PRSS23: variants seen among roughly 807,000 people sequenced by gnomAD.
PRSS23 encodes the protein protease, serine 23.
In PRSS23, 25 loss-of-function variants were observed where a neutral mutation model predicts 34.7. That is an observed-to-expected ratio of 0.72 (90% confidence interval 0.53 to 1.01). The LOEUF (loss-of-function observed/expected upper bound fraction) is 1.01. Among genes scored for constraint, PRSS23 ranks in the 50% least tolerant of loss-of-function variants. The pLI is 0.00. For missense variants in PRSS23, 445 were observed against 475.6 expected, an observed-to-expected ratio of 0.94 and a Z score of 0.60; for synonymous variants, 176 against 186.6, an observed-to-expected ratio of 0.94 and a Z score of 0.46.
chr11:86,832,640 G>T (rs1158777359), intron 2 of PRSS23: 4 of 467,810 alleles, frequency 8.6e-6, no homozygotes, highest in Admixed American at 2.3e-5. Flanking sequence ...TGAGGCCACT[G>T]CACCCTTTCT....
intron 2 of PRSS23, among the ~76,000 whole-genome samples, chr11:86,917,789 T>C (rs189962488): frequency 1.1e-3 from 175 of 152,288 alleles, no homozygotes; most frequent in African/African-American, 4.1e-3. Flanking sequence ...TCACCCAGTA[T>C]TGGAAGCCTT....
At chr11:86,935,898 C>T (rs1949158664) in intron 2 of PRSS23, 1 of 152,076 alleles carries the variant, frequency 6.6e-6, no homozygotes, top group Non-Finnish European at 1.5e-5. Flanking sequence ...ATATGAGGCC[C>T]TTTGTTCAAA....
rs1042110137 is a variant in PRSS23 at position 86,823,952 on chromosome 11, G to A, written c.206+359G>A. ...ACCCGGGAGGTGGAGCTTGCAGTGA[G>A]CCGAGATCGCGCCACTGCAGTCCGG... is the stretch of plus-strand genomic sequence containing the variant. On this transcript the variant is annotated intron_variant, in intron 2 of 2. Transcript: ENST00000533902. Among the ~76,000 whole-genome samples, 15 of 131,302 alleles carry A rather than the reference G, an allele frequency of 1.1e-4. 1 individual carries two copies. Among genetic ancestry groups the A allele is most frequent in the African/African-American group, 4.3e-4 (15 of 35,240 alleles). The allele number at this position is 131,302 out of a possible 152,430, so 86.1% of individuals were successfully genotyped here. A position where few individuals can be genotyped will look rare whatever the true frequency, so the allele number is the denominator to read the frequency against.
At chr11:86,941,659 G>C (rs371375084) in intron 2 of PRSS23, among the ~76,000 whole-genome samples, 2 of 152,146 alleles carry the variant, frequency 1.3e-5, no homozygotes, top group African/African-American at 4.8e-5. Context: ...GCCCATTCCA[G>C]TGTTCTATAT....
chr11:86,951,441 C>G, exon 3 of PRSS23: 1 of 1,613,400 alleles, frequency 6.2e-7, no homozygotes, highest in Middle Eastern at 1.6e-4. Flanking sequence ...ACTGAGAACA[C>G]CCCAATCTTG....
intron 2 of PRSS23, among the ~76,000 whole-genome samples, chr11:86,867,874 CA>C (rs11352878): frequency 0.52 from 61,636 of 118,414 alleles, 14,897 homozygotes; most frequent in East Asian, 0.62. Flanking sequence ...GACCCTACCT[CA>C]AAAAAAAAAA....
intron 2 of PRSS23, among the ~76,000 whole-genome samples, chr11:86,858,260 C>T (rs982660242): frequency 4.6e-5 from 7 of 151,446 alleles, no homozygotes; most frequent in Admixed American, 1.3e-4. Flanking sequence ...CAATATCGCA[C>T]GGAATTTACA....
At chr11:86,873,233 T>C (rs929153880) in intron 2 of PRSS23, among the ~76,000 whole-genome samples, 4 of 81,452 alleles carry the variant, frequency 4.9e-5, no homozygotes, top group African/African-American at 3.3e-4. Context: ...TGTATATATA[T>C]ATACACACAC....
At chr11:86,794,803 T>C (rs1022076507) in intron 1 of PRSS23, among the ~76,000 whole-genome samples, 10 of 152,202 alleles carry the variant, frequency 6.6e-5, no homozygotes, top group Admixed American at 6.5e-4. Context: ...ATGGGGGTTT[T>C]ACTTTTTACA....
intron 1 of PRSS23, 99 bp downstream of exon 1, chr11:86,800,750 A>C: frequency 1.4e-6 from 1 of 702,414 alleles, no homozygotes; most frequent in Non-Finnish European, 1.8e-6. Flanking sequence ...GGGTAGGGTA[A>C]CTGCGGGCTG....
intron 2 of PRSS23, among the ~76,000 whole-genome samples, chr11:86,846,763 G>A (rs911892138): frequency 6.6e-6 from 1 of 152,130 alleles, no homozygotes; most frequent in African/African-American, 2.4e-5. Flanking sequence ...AAAGTCTTGG[G>A]GTGGCACCCA....
intron 1 of PRSS23, among the ~76,000 whole-genome samples, chr11:86,795,298 T>C (rs1416478020): frequency 6.6e-6 from 1 of 152,232 alleles, no homozygotes; most frequent in Non-Finnish European, 1.5e-5. Context: ...CTCGATGCTA[T>C]GGGTTTTGTA....
At chr11:86,845,117 G>A (rs762882323) in intron 2 of PRSS23, among the ~76,000 whole-genome samples, 83 of 151,242 alleles carry the variant, frequency 5.5e-4, no homozygotes, top group Non-Finnish European at 7.1e-4. Context: ...AATTAAGTAA[G>A]TCGAAGTCAC....
Position 86,808,814 on chromosome 11 carries a change from C to A in PRSS23, c.*19C>A, listed in dbSNP as rs1033042706. On this transcript the variant is annotated 3_prime_UTR_variant, in exon 2 of 2. Transcript: ENST00000280258. Reference sequence around the variant, plus strand: ...GGGGTGACACAGTGTTCCCTCCTGGCAGCAATTAAGGGTCTTCATGTTCTT... The same window carrying A: ...GGGGTGACACAGTGTTCCCTCCTGGAAGCAATTAAGGGTCTTCATGTTCTT... 16 of 1,581,980 alleles carry A rather than the reference C, an allele frequency of 1.0e-5. No homozygotes were observed. In the African/African-American group the frequency reaches 1.4e-4, roughly 13 times the overall value.
intron 2 of PRSS23, among the ~76,000 whole-genome samples, chr11:86,847,425 G>A (rs977154053): frequency 6.6e-6 from 1 of 152,174 alleles, no homozygotes; most frequent in African/African-American, 2.4e-5. Context: ...CATGGCAGGG[G>A]CAAGGGAAGT....
At chr11:86,792,677 G>A (rs1324732312) in intron 1 of PRSS23, among the ~76,000 whole-genome samples, 1 of 152,130 alleles carries the variant, frequency 6.6e-6, no homozygotes, top group East Asian at 1.9e-4. Context: ...GGAAATCAAA[G>A]GCCAACAAAA....
At chr11:86,867,985 G>A (rs1412963459) in intron 2 of PRSS23, among the ~76,000 whole-genome samples, 2 of 151,880 alleles carry the variant, frequency 1.3e-5, no homozygotes, top group Non-Finnish European at 2.9e-5. Context: ...GAGGCTACTC[G>A]CCTCGGCCCC....
At chr11:86,900,269 A>G (rs560992153) in intron 2 of PRSS23, among the ~76,000 whole-genome samples, 1 of 152,266 alleles carries the variant, frequency 6.6e-6, no homozygotes, top group Non-Finnish European at 1.5e-5. Flanking sequence ...AGGTCTGTAA[A>G]CTGCATTCTG....
At chr11:86,871,511 C>T (rs1259686178) in intron 2 of PRSS23, among the ~76,000 whole-genome samples, 1 of 152,124 alleles carries the variant, frequency 6.6e-6, no homozygotes, top group Non-Finnish European at 1.5e-5. Context: ...TCTCCAGTAC[C>T]CTGTCCCACA....
Sources: gnomAD v4.1 joint callset for allele counts (sites outside exome capture counted in the v4.1 genomes callset) on GRCh38, gnomAD v4.1.1 for gene constraint, MANE v1.5 for transcripts, NCBI Gene and HGNC (gene_info 2026-07-23, HGNC 2026-07-21) for gene names.